Variants in UGT1A7 observed in about 807,000 individuals in gnomAD.
UGT1A7 encodes the protein UDP-glucuronosyltransferase 1A7.
UGT1A7 carries 33 observed loss-of-function variants against 45.6 expected under a neutral mutation model. The ratio of observed to expected loss-of-function variants is 0.72; its 90% CI spans 0.55 to 0.97. UGT1A7 has a LOEUF of 0.97. Ranked by LOEUF, UGT1A7 falls within the 50% of genes least tolerant of loss-of-function variation. UGT1A7 has a pLI of 0.00. For synonymous variants in UGT1A7, 274 were observed against 250.6 expected, an observed-to-expected ratio of 1.09 and a Z score of -0.88; for missense variants, 684 against 666.2, an observed-to-expected ratio of 1.03 and a Z score of -0.29.
intron 1 of UGT1A7, among the ~76,000 whole-genome samples, chr2:233,722,376 A>C (rs969132963): frequency 2.1e-4 from 32 of 152,346 alleles, no homozygotes; most frequent in African/African-American, 7.5e-4. Context: ...TTGAAATCTT[A>C]CGTTTCTTCT....
chr2:233,772,501 G>A lies in UGT1A7; in HGVS notation c.1535G>A (p.Arg512Gln), dbSNP rs778667717. Residue 512 changes from arginine (R) to glutamine (Q), a missense_variant, in exon 5 of 5, where the codon CGG (arginine) becomes CAG (glutamine). Transcript: ENST00000373426. Reference protein sequence around the residue: ...ITFKCCAYGYRKCLGKKGRVK... With the variant: ...ITFKCCAYGYQKCLGKKGRVK... Reference sequence around the variant, plus strand: ...TTTAAATGTTGTGCTTATGGCTACCGGAAATGCTTGGGGAAAAAAGGGCGA... The same window carrying A: ...TTTAAATGTTGTGCTTATGGCTACCAGAAATGCTTGGGGAAAAAAGGGCGA... The A allele has an allele frequency of 1.8e-5, 29 of 1,614,036 alleles. No homozygotes were observed. The highest frequency in any genetic ancestry group is 5.5e-5 in the South Asian group (5 of 91,088).
intron 1 of UGT1A7, chr2:233,729,673 A>C: frequency 3.1e-6 from 5 of 1,613,898 alleles, no homozygotes; most frequent in Non-Finnish European, 4.2e-6. Context: ...TTTAGACTTT[A>C]AGGGCACACA....
Position 233,772,341 on chromosome 2 carries a change from G to A in UGT1A7, c.1375G>A (p.Val459Met), listed in dbSNP as rs753234232. The change falls in exon 5 of 5, where the codon GTG becomes ATG. Residue 459 changes from valine (V) to methionine (M), a missense_variant. Val to Met is a conservative substitution (Grantham distance 21, BLOSUM62 1). Coordinates refer to ENST00000373426, the MANE Select transcript of UGT1A7 (RefSeq NM_019077.3). ...GCCGCTGGACCTGGCCGTGTTCTGG[G>A]TGGAGTTTGTGATGAGGCACAAGGG... ...VEPLDLAVFW[V>M]EFVMRHKGAP... The A allele has an allele frequency of 1.9e-6, 3 of 1,614,248 alleles. No individual in the cohort carries two copies. The highest frequency in any genetic ancestry group is 4.5e-5 in the East Asian group (2 of 44,884).
chr2:233,728,331 C>T (rs1305680742), intron 1 of UGT1A7, among the ~76,000 whole-genome samples: 2 of 152,328 alleles, frequency 1.3e-5, no homozygotes, highest in South Asian at 2.1e-4. Flanking sequence ...CTCCAGCTCC[C>T]CCAGTCCCTT....
intron 1 of UGT1A7, among the ~76,000 whole-genome samples, chr2:233,689,730 A>G (rs1277493497): frequency 1.3e-5 from 2 of 152,172 alleles, no homozygotes; most frequent in Non-Finnish European, 2.9e-5. Context: ...CTGCCAAAGA[A>G]TCCATTTGGT....
chr2:233,724,360 G>C (rs1455285943), intron 1 of UGT1A7, among the ~76,000 whole-genome samples: 3 of 146,586 alleles, frequency 2.0e-5, no homozygotes, highest in Admixed American at 6.8e-5. Context: ...CCTCCCTCCC[G>C]GACGGGGTGG....
intron 1 of UGT1A7, among the ~76,000 whole-genome samples, chr2:233,746,366 TC>T (rs2125877621): frequency 6.6e-6 from 1 of 151,852 alleles, no homozygotes; most frequent in East Asian, 1.9e-4. Context: ...TAGTAACAAG[TC>T]CCTTCATTCT....
intron 1 of UGT1A7, among the ~76,000 whole-genome samples, chr2:233,688,920 G>A (rs4485562): frequency 0.18 from 27,714 of 152,108 alleles, 2,753 homozygotes; most frequent in Non-Finnish European, 0.23. Flanking sequence ...GTGCCAAGCA[G>A]GGAAGATGGC....
rs904899091 is a variant in UGT1A7, at chr2:233,718,702, T to A, written c.855+35910T>A. ...TAAGTAACTGGAGGAGGGCACTTTG[T>A]CTTCCAATTACATGCTGATTTGCTA... is the stretch of plus-strand genomic sequence containing the variant. On this transcript the variant is annotated intron_variant, in intron 1 of 4. Coordinates refer to ENST00000373426, the MANE Select transcript of UGT1A7 (RefSeq NM_019077.3). The A allele has an allele frequency of 5.0e-6, 8 of 1,600,742 alleles. No homozygotes were observed. In the East Asian group the frequency reaches 1.8e-4, roughly 36 times the overall value.
intron 4 of UGT1A7, chr2:233,771,736 GTCTT>G (rs1408768214): frequency 2.0e-5 from 3 of 152,960 alleles, no homozygotes; most frequent in Non-Finnish European, 4.4e-5. Flanking sequence ...TATAATTTTG[GTCTT>G]TCTTTTTCTC....
intron 1 of UGT1A7, among the ~76,000 whole-genome samples, chr2:233,748,430 T>A (rs1693942914): frequency 6.6e-6 from 1 of 151,778 alleles, no homozygotes; most frequent in Non-Finnish European, 1.5e-5. Flanking sequence ...CCATCTGGAT[T>A]TTTTGTTTGC....
intron 1 of UGT1A7, among the ~76,000 whole-genome samples, chr2:233,707,644 A>G (rs1415954935): frequency 1.3e-5 from 2 of 151,818 alleles, no homozygotes; most frequent in African/African-American, 4.8e-5. Context: ...CATTGTATGA[A>G]TACACCACAA....
At chr2:233,765,778 A>G (rs1698945501) in intron 1 of UGT1A7, among the ~76,000 whole-genome samples, 2 of 152,070 alleles carry the variant, frequency 1.3e-5, no homozygotes, top group African/African-American at 2.4e-5. Context: ...GATTCATTGG[A>G]CCACTGAAAA....
intron 1 of UGT1A7, among the ~76,000 whole-genome samples, chr2:233,702,709 T>C (rs1270831508): frequency 2.0e-5 from 3 of 152,216 alleles, no homozygotes; most frequent in Non-Finnish European, 4.4e-5. Context: ...TTTTTCTGTG[T>C]CTATTGAAAT....
intron 1 of UGT1A7, among the ~76,000 whole-genome samples, chr2:233,709,212 T>C (rs1269749554): frequency 6.6e-6 from 1 of 152,132 alleles, no homozygotes; most frequent in Admixed American, 6.5e-5. Context: ...AGAAGTACAT[T>C]TGAGAGTTTG....
chr2:233,731,753 A>G (rs950237110), intron 1 of UGT1A7, among the ~76,000 whole-genome samples: 2 of 152,194 alleles, frequency 1.3e-5, no homozygotes, highest in Non-Finnish European at 2.9e-5. Context: ...ATACGTGTGC[A>G]TGTGTCCTTA....
At chr2:233,713,179 T>G in intron 1 of UGT1A7, 1 of 1,614,174 alleles carries the variant, frequency 6.2e-7, no homozygotes, top group Middle Eastern at 1.6e-4. Flanking sequence ...GTCCTCACCC[T>G]GGAGGTGAAT....
intron 1 of UGT1A7, among the ~76,000 whole-genome samples, chr2:233,715,487 T>A (rs958657491): frequency 6.6e-6 from 1 of 152,178 alleles, no homozygotes; most frequent in African/African-American, 2.4e-5. Context: ...TGAAAATGAT[T>A]TGTGTGCAAG....
chr2:233,755,241 A>T, intron 1 of UGT1A7: 1 of 865,322 alleles, frequency 1.2e-6, no homozygotes. Context: ...CTACCGGGGT[A>T]CTCCCAGCAC....
Sources: allele counts gnomAD v4.1 joint callset (sites outside exome capture counted in the v4.1 genomes callset), GRCh38; gene constraint gnomAD v4.1.1; transcripts MANE v1.5; gene names NCBI Gene and HGNC (gene_info 2026-07-23, HGNC 2026-07-21).